Variants in IGLL5 observed in about 807,000 individuals in gnomAD.
The protein encoded by IGLL5 is immunoglobulin lambda-like polypeptide 5.
A neutral mutation model predicts 20.9 loss-of-function variants in IGLL5; 30 were observed. That is an observed-to-expected ratio of 1.44 (90% CI 1.07 to 1.95). The LOEUF (loss-of-function observed/expected upper bound fraction) is 1.95, where lower values mean the gene tolerates loss of function less well. Among genes scored for constraint, IGLL5 ranks in the 30% most tolerant of loss-of-function variants. The pLI is 0.00. For missense variants in IGLL5, 475 were observed against 270.7 expected, an observed-to-expected ratio of 1.75 and a Z score of -5.30; for synonymous variants, 203 against 117.3, an observed-to-expected ratio of 1.73 and a Z score of -4.72.
intron 2 of IGLL5, among the ~76,000 whole-genome samples, chr22:22,894,656 T>A (rs2066679236): frequency 6.8e-6 from 1 of 147,786 alleles, no homozygotes; most frequent in Non-Finnish European, 1.5e-5. Context: ...AAGTTTGGGG[T>A]CATCACAGGC....
At chr22:22,894,901 G>A (rs150152630) in intron 2 of IGLL5, among the ~76,000 whole-genome samples, 4 of 151,440 alleles carry the variant, frequency 2.6e-5, no homozygotes, top group South Asian at 2.1e-4. Context: ...TTCAAAGCAG[G>A]CTTGGGTCTC....
At chr22:22,893,857 C>T (rs1037935324) in intron 2 of IGLL5, 39 bp downstream of exon 2, 3 of 1,337,362 alleles carry the variant, frequency 2.2e-6, no homozygotes, top group Non-Finnish European at 2.2e-6. Flanking sequence ...GTCTCACCCT[C>T]TGCTGTCCCT....
chr22:22,894,388 C>A (rs2068025385), intron 2 of IGLL5, among the ~76,000 whole-genome samples: 2 of 151,472 alleles, frequency 1.3e-5, no homozygotes, highest in Admixed American at 6.6e-5. Context: ...TGTGCTGGGT[C>A]ATGAGGACAT....
chr22:22,889,985 A>T (rs1178473126), intron 1 of IGLL5, among the ~76,000 whole-genome samples: 4 of 150,904 alleles, frequency 2.7e-5, no homozygotes, highest in Admixed American at 1.3e-4. Context: ...GGCTGATGGG[A>T]TTTCACCTAA....
Position 22,888,130 on chromosome 22 carries a change from T to G in IGLL5, c.77T>G (p.Leu26Arg). The G allele has an allele frequency of 6.5e-7, 1 of 1,548,260 alleles. No homozygotes were observed. The highest frequency in any genetic ancestry group is 8.7e-7 in the Non-Finnish European group (1 of 1,145,710). ...LGPGPRQRWPLLLLGLAMVAH... is the reference protein window; with the variant it reads ...LGPGPRQRWPRLLLGLAMVAH... ...CCTGGTCCCAGGCAGCGCTGGCCCC[T>G]GCTGCTGCTGGGTCTGGCCATGGTC... is the stretch of plus-strand genomic sequence containing the variant. The change falls in exon 1 of 3, where the codon CTG (leucine) becomes CGG (arginine). Residue 26 changes from leucine (L) to arginine (R), a missense_variant. Transcript: ENST00000526893.
chr22:22,890,320 C>CAG (rs1243032431), intron 1 of IGLL5, among the ~76,000 whole-genome samples: 1 of 135,854 alleles, frequency 7.4e-6, no homozygotes, highest in African/African-American at 3.0e-5. Flanking sequence ...AAAACACACA[C>CAG]ACACACACAC....
rs192388840 is a variant in IGLL5 at position 22,895,525 on chromosome 22, C to T, written c.476C>T (p.Ala159Val). Residue 159 changes from alanine to valine, a missense_variant, in exon 3 of 3, where the codon GCG (alanine) becomes GTG (valine). Coordinates refer to ENST00000526893, the MANE Select transcript of IGLL5 (RefSeq NM_001178126.2). ...AWKADGSPVK[A>V]GVETTKPSKQ... ...AAGGCAGATGGCAGCCCCGTCAAGGCGGGAGTGGAGACCACCAAACCCTCC... is the reference window on the plus strand; with the variant it reads ...AAGGCAGATGGCAGCCCCGTCAAGGTGGGAGTGGAGACCACCAAACCCTCC... The T allele has an allele frequency of 9.6e-5, 155 of 1,612,556 alleles. No individual in the cohort carries two copies. Among genetic ancestry groups the T allele is most frequent in the South Asian group, 4.3e-4 (39 of 90,862 alleles).
intron 1 of IGLL5, among the ~76,000 whole-genome samples, chr22:22,890,885 T>G (rs1027159598): frequency 3.0e-4 from 46 of 151,318 alleles, no homozygotes; most frequent in Middle Eastern, 3.7e-3. Flanking sequence ...TTTTTATTTA[T>G]TGGTTTTATT....
intron 2 of IGLL5, among the ~76,000 whole-genome samples, chr22:22,895,052 C>G (rs2146050302): frequency 6.6e-6 from 1 of 151,318 alleles, no homozygotes; most frequent in South Asian, 2.1e-4. Flanking sequence ...GGGGTCAAGG[C>G]CAGATTCTAA....
intron 2 of IGLL5, among the ~76,000 whole-genome samples, chr22:22,894,263 G>T (rs1569087616): frequency 6.6e-6 from 1 of 150,818 alleles, no homozygotes; most frequent in African/African-American, 2.4e-5. Context: ...GCTGAGGACT[G>T]GATGCCAATC....
intron 2 of IGLL5, among the ~76,000 whole-genome samples, chr22:22,894,435 C>G (rs552839902): frequency 3.3e-5 from 5 of 151,434 alleles, no homozygotes; most frequent in Middle Eastern, 3.7e-3. Context: ...GGGTGAGGTG[C>G]CAGAATCCAA....
chr22:22,888,705 CT>C (rs2067635112), intron 1 of IGLL5, among the ~76,000 whole-genome samples: 1 of 151,364 alleles, frequency 6.6e-6, no homozygotes, highest in African/African-American at 2.4e-5. Context: ...GCAGCAAGGG[CT>C]TGGTTTGGTC....
intron 2 of IGLL5, 134 bp downstream of exon 2, chr22:22,893,952 C>G (rs2067955166): frequency 2.8e-6 from 2 of 721,964 alleles, no homozygotes; most frequent in African/African-American, 1.7e-5. Flanking sequence ...TCCATGGGGC[C>G]TGGAGGAGGT....
In IGLL5 at chr22:22,893,937, C is replaced by G. The variant is rs939345899; in HGVS notation, c.325+119C>G. Reference sequence around the variant, plus strand: ...CCCAGCCTTAAGCACTGACCCTTACCTTTCTCCATGGGGCCTGGAGGAGGT... The same window carrying G: ...CCCAGCCTTAAGCACTGACCCTTACGTTTCTCCATGGGGCCTGGAGGAGGT... On this transcript the variant is annotated intron_variant, in intron 2 of 2. Coordinates refer to ENST00000526893, the MANE Select transcript of IGLL5 (RefSeq NM_001178126.2). 46 of 773,000 alleles carry G rather than the reference C, an allele frequency of 6.0e-5. 2 individuals carry two copies. The highest frequency in any genetic ancestry group is 1.4e-4 in the Admixed American group (7 of 51,804). 47.9% of individuals were successfully genotyped at this position (773,000 alleles called of 1,614,324 possible).
chr22:22,888,478 CTG>C lies in IGLL5; in HGVS notation c.206+220_206+221del. The stretch of plus-strand genomic sequence containing the variant: ...ATTACGATATTATTTTTCTTGATTT[CTG>C]AGTTTTCTGGCGCCACTTAAATTTT... On this transcript the variant is annotated intron_variant, in intron 1 of 2. Coordinates refer to ENST00000526893, the MANE Select transcript of IGLL5 (RefSeq NM_001178126.2). 1.3e-5 allele frequency among the ~76,000 whole-genome samples: 2 copies of C among 151,340 alleles called. 1 individual carries two copies. Among genetic ancestry groups the C allele is most frequent in the African/African-American group, 4.8e-5 (2 of 41,308 alleles).
intron 2 of IGLL5, among the ~76,000 whole-genome samples, chr22:22,894,951 A>G (rs1601629589): frequency 2.0e-5 from 3 of 151,498 alleles, no homozygotes; most frequent in Middle Eastern, 3.8e-3. Context: ...CAGGATGAGC[A>G]GGGGACCCAC....
At chr22:22,893,839 C>G (rs750307397) in intron 2 of IGLL5, 21 bp downstream of exon 2, 4 of 1,477,124 alleles carry the variant, frequency 2.7e-6, no homozygotes, top group Admixed American at 1.7e-5. Flanking sequence ...CTCAACCTTT[C>G]CCAGCCTGTC....
intron 1 of IGLL5, among the ~76,000 whole-genome samples, chr22:22,889,225 A>G (rs2067698447): frequency 1.3e-5 from 2 of 150,918 alleles, no homozygotes; most frequent in Admixed American, 1.3e-4. Flanking sequence ...TGCCTTGGGG[A>G]TGGGGAGGAC....
chr22:22,888,883 A>G (rs190200300), intron 1 of IGLL5, among the ~76,000 whole-genome samples: 1 of 151,342 alleles, frequency 6.6e-6, no homozygotes, highest in Non-Finnish European at 1.5e-5. Flanking sequence ...CTCTGGGATG[A>G]TGCCCAGGCT....
Sources: allele counts gnomAD v4.1 joint callset (sites outside exome capture counted in the v4.1 genomes callset), GRCh38; gene constraint gnomAD v4.1.1; transcripts MANE v1.5; gene names NCBI Gene and HGNC (gene_info 2026-07-23, HGNC 2026-07-21).